Variants in PLXNA4 observed in about 807,000 individuals in gnomAD.
PLXNA4 encodes the protein plexin-A4.
A neutral mutation model predicts 191.8 loss-of-function variants in PLXNA4; 44 were observed. The observed-to-expected ratio is 0.23, with a 90% CI of 0.18 to 0.29. The LOEUF (loss-of-function observed/expected upper bound fraction) is 0.29. Ranked by LOEUF, PLXNA4 falls within the 10% of genes least tolerant of loss-of-function variation. PLXNA4 has a pLI of 1.00. For synonymous variants in PLXNA4, 1,082 were observed against 1,009.5 expected, an observed-to-expected ratio of 1.07 and a Z score of -1.36; for missense variants, 1,800 against 2,488.8, an observed-to-expected ratio of 0.72 and a Z score of 5.89.
intron 4 of PLXNA4, among the ~76,000 whole-genome samples, chr7:132,247,869 G>T (rs1204416560): frequency 6.6e-6 from 1 of 152,222 alleles, no homozygotes; most frequent in Non-Finnish European, 1.5e-5. Context: ...CTCAAAGGGG[G>T]CAGGTATTTC....
chr7:132,505,680 G>A (rs1798438885), intron 2 of PLXNA4, among the ~76,000 whole-genome samples: 1 of 152,156 alleles, frequency 6.6e-6, no homozygotes, highest in African/African-American at 2.4e-5. Context: ...GCTGAGTCTT[G>A]AGATACTCAA....
chr7:132,253,955 ACTGGGCTGGGGGTCCTAGGAC>A (rs1799344084), intron 4 of PLXNA4, among the ~76,000 whole-genome samples: 1 of 152,156 alleles, frequency 6.6e-6, no homozygotes, highest in Admixed American at 6.5e-5. Flanking sequence ...CTGGGACATC[ACTGGGCTGGGGGTCCTAGGAC>A]CTGGGCTGTA....
At chr7:132,190,774 C>G (rs1166164454) in intron 14 of PLXNA4, among the ~76,000 whole-genome samples, 2 of 152,178 alleles carry the variant, frequency 1.3e-5, no homozygotes, top group Non-Finnish European at 2.9e-5. Context: ...GCTCCAGGGT[C>G]CCTGCCAAGG....
chr7:132,636,476 G>GA (rs1554480320), intron 2 of PLXNA4, among the ~76,000 whole-genome samples: 5 of 152,090 alleles, frequency 3.3e-5, no homozygotes, highest in African/African-American at 9.7e-5. Context: ...TCAAGGAAGA[G>GA]CCCCCCCAGG....
chr7:132,175,293 G>A lies in PLXNA4; in HGVS notation c.3875-373C>T, dbSNP rs138028848. ...TGGGGAGGGGGATGTAGAGGGATGG[G>A]TAAGAGAAGGGAGAGGTGCCATGAG... is the stretch of plus-strand genomic sequence containing the variant. On this transcript the variant is annotated intron_variant, in intron 20 of 31. Transcript: ENST00000321063. Among the ~76,000 whole-genome samples the A allele has an allele frequency of 2.0e-5, 3 of 152,238 alleles. No homozygotes were observed. The East Asian group carries it at 5.8e-4, about 29-fold the overall frequency.
At chr7:132,516,590 C>T (rs564428891) in intron 1 of PLXNA4, among the ~76,000 whole-genome samples, 34 of 152,278 alleles carry the variant, frequency 2.2e-4, no homozygotes, top group African/African-American at 6.3e-4. Context: ...ATTCAGCCAA[C>T]GACTATTGAT....
chr7:132,140,957 G>C (rs1211652990), intron 29 of PLXNA4, 146 bp from the exon 30 acceptor site: 1 of 1,401,588 alleles, frequency 7.1e-7, no homozygotes, highest in Non-Finnish European at 9.4e-7. Context: ...GGATGTGCCA[G>C]GGAAGGGAGG....
chr7:132,572,748 C>T (rs1802037067), intron 1 of PLXNA4, among the ~76,000 whole-genome samples: 1 of 152,168 alleles, frequency 6.6e-6, no homozygotes, highest in Non-Finnish European at 1.5e-5. Flanking sequence ...AAGAAAAAGT[C>T]TGTGCAGCTA....
intron 3 of PLXNA4, among the ~76,000 whole-genome samples, chr7:132,314,451 T>C (rs1801865150): frequency 6.6e-6 from 1 of 152,178 alleles, no homozygotes; most frequent in Non-Finnish European, 1.5e-5. Flanking sequence ...GTCGGCCTCA[T>C]GCCAATGCCC....
chr7:132,577,505 T>TAAA (rs1802305195), upstream of PLXNA4, among the ~76,000 whole-genome samples: 1 of 151,204 alleles, frequency 6.6e-6, no homozygotes, highest in Non-Finnish European at 1.5e-5. Context: ...GGCTGACATC[T>TAAA]AGAGCGAGGG....
rs930054563 is a variant in PLXNA4, at chr7:132,180,069, G to T, written c.3640-148C>A. Reference sequence around the variant, plus strand: ...TCAAAATAGACAAGAGGGCATGGGGGGCTGGGAGCGGGGACAGGCACAGCT... The same window carrying T: ...TCAAAATAGACAAGAGGGCATGGGGTGCTGGGAGCGGGGACAGGCACAGCT... On this transcript the variant is annotated intron_variant, in intron 19 of 31. Coordinates refer to ENST00000321063, the MANE Select transcript of PLXNA4 (RefSeq NM_020911.2). 6.5e-6 allele frequency: 9 copies of T among 1,375,492 alleles called. No homozygotes were observed. In the East Asian group the frequency reaches 1.8e-4, roughly 27 times the overall value. 85.2% of individuals were successfully genotyped at this position (1,375,492 alleles called of 1,614,324 possible).
chr7:132,469,119 C>CAAAAAAAAA (rs5887577), intron 3 of PLXNA4, among the ~76,000 whole-genome samples: 1 of 87,428 alleles, frequency 1.1e-5, no homozygotes, highest in Non-Finnish European at 2.3e-5. Context: ...GCACACCAAC[C>CAAAAAAAAA]AAAAAAAAAA....
intron 2 of PLXNA4, among the ~76,000 whole-genome samples, chr7:132,628,781 A>T (rs1298706973): frequency 2.0e-5 from 3 of 152,160 alleles, no homozygotes; most frequent in Non-Finnish European, 4.4e-5. Flanking sequence ...CTTGTTTTAC[A>T]ACCTTCTGTT....
chr7:132,228,451 C>T lies in PLXNA4; in HGVS notation c.1623G>A (p.Arg541=). 1 of 1,614,168 alleles carries T rather than the reference C, an allele frequency of 6.2e-7. No individual in the cohort carries two copies. Among genetic ancestry groups the T allele is most frequent in the South Asian group, 1.1e-5 (1 of 91,090 alleles). The change falls in exon 6 of 32, where the codon CGG becomes CGA. Residue 541 remains arginine, a synonymous_variant. Transcript: ENST00000321063. ...TGCGGGGCTCCTTGGACCGCTCACA[C>T]CGCTCCTTCCGGGTGCAACTGGGAA... is the stretch of plus-strand genomic sequence containing the variant. ...VLHNTCTRKE[R]CERSKEPRRF...
At chr7:132,279,419 A>T (rs1800396447) in intron 4 of PLXNA4, among the ~76,000 whole-genome samples, 1 of 152,166 alleles carries the variant, frequency 6.6e-6, no homozygotes, top group African/African-American at 2.4e-5. Context: ...ACTTGAGTTC[A>T]GGAGTTTGAG....
intron 20 of PLXNA4, among the ~76,000 whole-genome samples, chr7:132,175,779 CCTTT>C (rs1418991659): frequency 1.3e-5 from 2 of 152,226 alleles, no homozygotes; most frequent in Non-Finnish European, 2.9e-5. Context: ...CCCTGCTCCG[CCTTT>C]CTCTTTGGTG....
intron 3 of PLXNA4, among the ~76,000 whole-genome samples, chr7:132,355,552 C>T (rs1014724525): frequency 2.2e-4 from 34 of 152,154 alleles, no homozygotes; most frequent in Admixed American, 1.8e-3. Flanking sequence ...CCCATTCAGC[C>T]GATTAATATT....
chr7:132,424,259 G>A (rs553443426), intron 3 of PLXNA4, among the ~76,000 whole-genome samples: 6 of 152,266 alleles, frequency 3.9e-5, no homozygotes, highest in South Asian at 2.1e-4. Context: ...TCTGCCCCCC[G>A]CTCCCTGGCC....
Position 132,198,553 on chromosome 7 carries a change from G to A in PLXNA4, c.2670C>T (p.Ile890=), listed in dbSNP as rs375620819. The change falls in exon 13 of 32, where the codon ATC becomes ATT. Residue 890 remains isoleucine (I), a synonymous_variant. Transcript: ENST00000321063. The part of the protein sequence containing the change: ...GENLGLEFRD[I]ASHVKVAGVE... The stretch of plus-strand genomic sequence containing the variant: ...CGCCAGCAACCTTGACATGGGAGGC[G>A]ATGTCGCGAAATTCCAGGCCCAGGT... 94 of 1,614,220 alleles carry A rather than the reference G, an allele frequency of 5.8e-5. No homozygotes were observed. In the Middle Eastern group the frequency reaches 8.2e-4, roughly 14 times the overall value.
Sources: allele counts gnomAD v4.1 joint callset (sites outside exome capture counted in the v4.1 genomes callset), GRCh38; gene constraint gnomAD v4.1.1; transcripts MANE v1.5; gene names NCBI Gene and HGNC (gene_info 2026-07-23, HGNC 2026-07-21).